INTS3: variants seen among roughly 807,000 people sequenced by gnomAD.
The protein encoded by INTS3 is SOSS complex subunit A.
INTS3 carries 34 observed loss-of-function variants against 146.3 expected under a neutral mutation model. The ratio of observed to expected loss-of-function variants is 0.23; its 90% CI spans 0.18 to 0.31. The LOEUF (loss-of-function observed/expected upper bound fraction) is 0.31, where lower values mean the gene tolerates loss of function less well. Among genes scored for constraint, INTS3 ranks in the 10% least tolerant of loss-of-function variants. The pLI is 1.00. For missense variants in INTS3, 757 were observed against 1,304.2 expected, an observed-to-expected ratio of 0.58 and a Z score of 6.46; for synonymous variants, 475 against 494.9, an observed-to-expected ratio of 0.96 and a Z score of 0.53.
chr1:153,733,765 C>T (rs892031139), intron 1 of INTS3, among the ~76,000 whole-genome samples: 10 of 151,744 alleles, frequency 6.6e-5, no homozygotes, highest in African/African-American at 1.9e-4. Flanking sequence ...CCACCACACC[C>T]GGCTGATTCT....
chr1:153,772,545 C>A lies in INTS3; in HGVS notation c.2822-94C>A. On this transcript the variant is annotated intron_variant, in intron 27 of 29. Coordinates refer to ENST00000318967, the MANE Select transcript of INTS3 (RefSeq NM_023015.5). The surrounding 1 kb of genome is among the most constrained non-coding windows in gnomAD (Gnocchi z 4.6). ...GGGCAGGACACCCGGGGCCACAACC[C>A]ACACTCGGGATAAAACAACCTGTGC... 1 of 1,610,822 alleles carries A rather than the reference C, an allele frequency of 6.2e-7. No individual in the cohort carries two copies. The highest frequency in any genetic ancestry group is 1.3e-5 in the African/African-American group (1 of 74,942).
intron 9 of INTS3, among the ~76,000 whole-genome samples, chr1:153,756,163 G>T (rs1672153499): frequency 1.3e-5 from 2 of 151,962 alleles, no homozygotes; most frequent in Non-Finnish European, 2.9e-5. Flanking sequence ...AACACTTGAG[G>T]TCAGGAGTTC....
intron 1 of INTS3, among the ~76,000 whole-genome samples, chr1:153,731,150 G>A (rs1671043835): frequency 6.6e-6 from 1 of 152,062 alleles, no homozygotes; most frequent in African/African-American, 2.4e-5. Context: ...ATCATCTAAT[G>A]GCTTCATTTA....
intron 3 of INTS3, among the ~76,000 whole-genome samples, chr1:153,743,779 A>C (rs1457737776): frequency 6.6e-6 from 1 of 152,166 alleles, no homozygotes; most frequent in Non-Finnish European, 1.5e-5. Context: ...GCTGGCAGTC[A>C]ATAGATAAAG....
intron 25 of INTS3, 146 bp from the exon 26 acceptor site, chr1:153,771,650 C>T: frequency 1.4e-6 from 1 of 726,542 alleles, no homozygotes; most frequent in South Asian, 1.8e-5. Flanking sequence ...TGAAACCAGG[C>T]ATTCCTTGGC....
chr1:153,747,002 G>A lies in INTS3; in HGVS notation c.364G>A (p.Val122Ile), dbSNP rs1671771955. The change falls in exon 4 of 30, where the codon GTC (valine) becomes ATC (isoleucine). Residue 122 changes from valine (V) to isoleucine (I), a missense_variant. Val to Ile is a conservative substitution (Grantham distance 29). Around this residue, in one of 8 missense-constraint regions of INTS3, gnomAD observed 160 missense variants for 193.7 expected, o/e 0.83. Transcript: ENST00000318967. The part of the protein sequence containing the change: ...ALVSRDGMNI[V>I]LNKINQILME... ...GGTGAGTCGTGATGGCATGAATATT[G>A]TCCTGAATAAAATCAACCAGATACT... The A allele has an allele frequency of 6.2e-7, 1 of 1,613,972 alleles. No individual in the cohort carries two copies. Among genetic ancestry groups the A allele is most frequent in the Non-Finnish European group, 8.5e-7 (1 of 1,179,930 alleles).
rs370313990 is a variant in INTS3 at position 153,770,055 on chromosome 1, TG to T, written c.2390-139del. ...CTTGGGGTGCTGGTAGTCAGTGGAT[TG>T]GGGTGTGTGTGTGTGTGTGTGTGTG... On this transcript the variant is annotated intron_variant, in intron 23 of 29. Transcript: ENST00000318967. The T allele has an allele frequency of 3.9e-4, 201 of 511,780 alleles. 1 individual carries two copies. Among genetic ancestry groups the T allele is most frequent in the South Asian group, 1.5e-3 (80 of 53,180 alleles). 31.7% of individuals were successfully genotyped at this position (511,780 alleles called of 1,614,324 possible). A position where few individuals can be genotyped will look rare whatever the true frequency, so the allele number is the denominator to read the frequency against.
At position 153,741,326 on chromosome 1, in the gene INTS3, C is replaced by A. The variant is rs1455694800; in HGVS notation, c.276C>A (p.Gly92=). The A allele has an allele frequency of 6.8e-6, 11 of 1,614,110 alleles. No individual in the cohort carries two copies. Among genetic ancestry groups the A allele is most frequent in the Non-Finnish European group, 6.8e-6 (8 of 1,179,998 alleles). ...GLPQHEEICL[G]LFTLILTEPA... ...CCCAGCATGAAGAAATCTGCCTGGG[C>A]CTGTTTACTCTCATCCTCACTGAAC... Residue 92 remains glycine, a synonymous_variant, in exon 3 of 30, where the codon GGC becomes GGA. Coordinates refer to ENST00000318967, the MANE Select transcript of INTS3 (RefSeq NM_023015.5).
intron 1 of INTS3, among the ~76,000 whole-genome samples, chr1:153,733,065 ACTC>A (rs1237261259): frequency 1.4e-5 from 2 of 147,422 alleles, no homozygotes; most frequent in African/African-American, 5.0e-5. Context: ...CTGGTCTCGA[ACTC>A]CTGACCTCAT....
Position 153,773,415 on chromosome 1 carries a change from C to A in INTS3, c.*145C>A. ...CCGGTGGAAGGAGGAGCTTTCTCCT[C>A]TGGCTGAGTTTGAGAAGCTGCCATG... is the stretch of plus-strand genomic sequence containing the variant. On this transcript the variant is annotated 3_prime_UTR_variant, in exon 30 of 30. Coordinates refer to ENST00000318967, the MANE Select transcript of INTS3 (RefSeq NM_023015.5). The A allele has an allele frequency of 1.3e-6, 1 of 773,822 alleles. No individual in the cohort carries two copies. The highest frequency in any genetic ancestry group is 2.2e-6 in the Non-Finnish European group (1 of 458,880). The allele number at this position is 773,822 out of a possible 1,614,324, so 47.9% of individuals were successfully genotyped here. A position where few individuals can be genotyped will look rare whatever the true frequency, so the allele number is the denominator to read the frequency against.
At chr1:153,758,342 T>G (rs1032555360) in intron 10 of INTS3, among the ~76,000 whole-genome samples, 1 of 152,192 alleles carries the variant, frequency 6.6e-6, no homozygotes, top group Non-Finnish European at 1.5e-5. Context: ...GACAACAGGC[T>G]ATTCCTGGAG....
chr1:153,731,541 T>C (rs991653596), intron 1 of INTS3, among the ~76,000 whole-genome samples: 12 of 151,906 alleles, frequency 7.9e-5, no homozygotes, highest in Non-Finnish European at 1.6e-4. Context: ...CCAATCACTT[T>C]TAAATCAGGC....
intron 15 of INTS3, 145 bp downstream of exon 15, chr1:153,762,992 A>G: frequency 8.6e-7 from 1 of 1,169,236 alleles, no homozygotes; most frequent in Non-Finnish European, 1.2e-6. Flanking sequence ...GAGACTCCAG[A>G]ATGCAGAGCC....
At chr1:153,763,138 T>G (rs1672445817) in intron 15 of INTS3, 95 bp from the exon 16 acceptor site, 1 of 1,492,668 alleles carries the variant, frequency 6.7e-7, no homozygotes, top group African/African-American at 1.4e-5. Flanking sequence ...GGTGCACACT[T>G]AGGGCATGTG....
At position 153,728,697 on chromosome 1, in the gene INTS3, T is replaced by TGGA. The variant is rs553348230; in HGVS notation, c.74_76dup (p.Gly25dup). On this transcript the variant is annotated inframe_insertion, in exon 1 of 30. Transcript: ENST00000318967. Reference sequence around the variant, plus strand: ...CAGCTGCTTCGGGAGCAGCGGGAGGTGGAGGAGGAGGAGCGGGAGCAGGAG... The same window carrying TGGA: ...CAGCTGCTTCGGGAGCAGCGGGAGGTGGAGGAGGAGGAGGAGCGGGAGCAGGAG... 62 of 1,597,750 alleles carry TGGA rather than the reference T, an allele frequency of 3.9e-5. 1 individual carries two copies. The South Asian group carries it at 6.7e-4, about 17-fold the overall frequency.
At chr1:153,761,120 G>A (rs1672366604) in intron 13 of INTS3, 2 of 1,384,400 alleles carry the variant, frequency 1.4e-6, no homozygotes, top group African/African-American at 1.5e-5. Flanking sequence ...GTCTTCAAAT[G>A]CCTTCATGTT....
At chr1:153,732,907 G>A (rs774444746) in intron 1 of INTS3, among the ~76,000 whole-genome samples, 11 of 151,280 alleles carry the variant, frequency 7.3e-5, no homozygotes, top group Non-Finnish European at 1.5e-4. Context: ...AGATTCAAGC[G>A]ATTTTCCTGC....
intron 14 of INTS3, among the ~76,000 whole-genome samples, chr1:153,761,909 T>A (rs1570873454): frequency 6.6e-6 from 1 of 152,262 alleles, no homozygotes; most frequent in East Asian, 1.9e-4. Flanking sequence ...TTCTCTTAAC[T>A]CTTTTCTCCT....
At chr1:153,729,824 C>G (rs1197142505) in intron 1 of INTS3, among the ~76,000 whole-genome samples, 1 of 144,928 alleles carries the variant, frequency 6.9e-6, no homozygotes, top group Non-Finnish European at 1.5e-5. Context: ...AAGATTGCGC[C>G]ACTGCACTCC....
Sources: allele counts gnomAD v4.1 joint callset (sites outside exome capture counted in the v4.1 genomes callset), GRCh38; gene constraint gnomAD v4.1.1; regional missense constraint gnomAD v4.1.1; non-coding constraint Gnocchi (gnomAD v3.1); transcripts MANE v1.5; gene names NCBI Gene and HGNC (gene_info 2026-07-23, HGNC 2026-07-21).